KHDRBS3: variants seen among roughly 807,000 people sequenced by gnomAD.
The protein encoded by KHDRBS3 is KH RNA binding domain containing, signal transduction associated 3, also known as KH domain-containing, RNA-binding, signal transduction-associated protein 3.
In KHDRBS3, 23 loss-of-function variants were observed where a neutral mutation model predicts 45.6. The ratio of observed to expected loss-of-function variants is 0.50; its 90% CI spans 0.36 to 0.72. KHDRBS3 has a LOEUF of 0.72. Ranked by LOEUF, KHDRBS3 falls within the 30% of genes least tolerant of loss-of-function variation. KHDRBS3 has a pLI of 0.00. For missense variants in KHDRBS3, 352 were observed against 424.8 expected (o/e 0.83, Z 1.51); for synonymous variants, 162 against 156.5 (o/e 1.04, Z -0.26).
chr8:135,602,576 G>A (rs1005409671), intron 6 of KHDRBS3, among the ~76,000 whole-genome samples: 5 of 150,196 alleles, frequency 3.3e-5, no homozygotes, highest in East Asian at 1.9e-4. Flanking sequence ...TAATATTTTA[G>A]TTTTTTTTTT....
At chr8:135,492,212 G>C (rs16905378) in intron 1 of KHDRBS3, among the ~76,000 whole-genome samples, 8,857 of 151,936 alleles carry the variant, frequency 0.058, 340 homozygotes, top group African/African-American at 0.1. Context: ...AGTACTTTAG[G>C]TAGTAGATTA....
intron 7 of KHDRBS3, among the ~76,000 whole-genome samples, chr8:135,634,745 T>C (rs976317800): frequency 6.6e-6 from 1 of 152,192 alleles, no homozygotes; most frequent in African/African-American, 2.4e-5. Context: ...TTTGTAGTCA[T>C]GGTGTTATGT....
At chr8:135,469,412 C>T (rs1010683592) in intron 1 of KHDRBS3, among the ~76,000 whole-genome samples, 3 of 151,960 alleles carry the variant, frequency 2.0e-5, no homozygotes, top group East Asian at 3.9e-4. Context: ...CTCAGCCTCC[C>T]GAGTAGCTGG....
At chr8:135,633,963 G>A (rs1159586690) in intron 7 of KHDRBS3, among the ~76,000 whole-genome samples, 1 of 152,174 alleles carries the variant, frequency 6.6e-6, no homozygotes, top group Admixed American at 6.5e-5. Flanking sequence ...GTAATGTCAT[G>A]TGTCCACCAT....
chr8:135,553,204 G>A (rs921121902), intron 4 of KHDRBS3, among the ~76,000 whole-genome samples: 1 of 152,066 alleles, frequency 6.6e-6, no homozygotes, highest in Non-Finnish European at 1.5e-5. Flanking sequence ...AGGCAAGCAG[G>A]CCAGACTCTC....
Position 135,647,243 on chromosome 8 carries a change from C to CATAA in KHDRBS3, c.*160_*161insTAAA. The CATAA allele has an allele frequency of 5.0e-5, 7 of 139,150 alleles. No homozygotes were observed. The highest frequency in any genetic ancestry group is 1.7e-4 in the Admixed American group (1 of 5,972). The allele number at this position is 139,150 out of a possible 1,614,324, so 8.6% of individuals were successfully genotyped here. A position where few individuals can be genotyped will look rare whatever the true frequency, so the allele number is the denominator to read the frequency against. On this transcript the variant is annotated 3_prime_UTR_variant, in exon 9 of 9. Transcript: ENST00000355849. The stretch of plus-strand genomic sequence containing the variant: ...TACTTTGTTGAAACATCAACCTGGG[C>CATAA]AGAAAAAAAAAAAAAAAGACATGTA...
At chr8:135,607,818 C>G (rs186773243) in intron 7 of KHDRBS3, among the ~76,000 whole-genome samples, 2 of 152,128 alleles carry the variant, frequency 1.3e-5, no homozygotes, top group Non-Finnish European at 2.9e-5. Flanking sequence ...CACTTTTGAA[C>G]TCGTCCAGTG....
intron 1 of KHDRBS3, among the ~76,000 whole-genome samples, chr8:135,493,277 ATTTCTTTTATATTTCTC>A (rs1226277499): frequency 6.6e-6 from 1 of 151,836 alleles, no homozygotes; most frequent in African/African-American, 2.4e-5. Flanking sequence ...CCAAATCTGA[ATTTCTTTTATATTTCTC>A]TTTCTTCTCT....
At chr8:135,633,824 T>A (rs1830703298) in intron 7 of KHDRBS3, among the ~76,000 whole-genome samples, 1 of 152,232 alleles carries the variant, frequency 6.6e-6, no homozygotes, top group Non-Finnish European at 1.5e-5. Context: ...ATTATCCACA[T>A]CTGCCACCAG....
intron 1 of KHDRBS3, among the ~76,000 whole-genome samples, chr8:135,494,340 G>A (rs1489104157): frequency 2.1e-4 from 30 of 140,778 alleles, no homozygotes; most frequent in African/African-American, 7.1e-4. Context: ...GTGCAGTGGC[G>A]TGATCTCGGC....
At chr8:135,621,077 T>A (rs1270500205) in intron 7 of KHDRBS3, among the ~76,000 whole-genome samples, 3 of 149,934 alleles carry the variant, frequency 2.0e-5, no homozygotes, top group African/African-American at 7.4e-5. Context: ...AATGTGAAAA[T>A]TGATGTAGTC....
intron 2 of KHDRBS3, among the ~76,000 whole-genome samples, chr8:135,522,527 A>G (rs970998877): frequency 2.0e-5 from 3 of 152,160 alleles, no homozygotes; most frequent in Non-Finnish European, 4.4e-5. Context: ...TTCCACAAAC[A>G]ATGTGTGCAG....
chr8:135,535,010 C>T (rs1586677724), intron 2 of KHDRBS3, among the ~76,000 whole-genome samples: 2 of 151,982 alleles, frequency 1.3e-5, no homozygotes, highest in Admixed American at 6.6e-5. Context: ...CCAACAGTGC[C>T]GAAGTTGCTG....
intron 3 of KHDRBS3, among the ~76,000 whole-genome samples, chr8:135,544,135 G>T (rs973124266): frequency 1.3e-5 from 2 of 152,100 alleles, no homozygotes; most frequent in Non-Finnish European, 1.5e-5. Flanking sequence ...CTTAGTTCAC[G>T]CTCTAATAAG....
chr8:135,491,667 C>T (rs1305595719), intron 1 of KHDRBS3, among the ~76,000 whole-genome samples: 1 of 152,106 alleles, frequency 6.6e-6, no homozygotes, highest in Non-Finnish European at 1.5e-5. Flanking sequence ...CATAGATTAG[C>T]GCAGTGGTTC....
At chr8:135,567,389 T>C (rs1827480006) in intron 5 of KHDRBS3, among the ~76,000 whole-genome samples, 1 of 152,178 alleles carries the variant, frequency 6.6e-6, no homozygotes, top group African/African-American at 2.4e-5. Flanking sequence ...TTAGTATATT[T>C]CCCCTATGTT....
chr8:135,542,998 A>T (rs1441843025), intron 3 of KHDRBS3, among the ~76,000 whole-genome samples: 1 of 152,202 alleles, frequency 6.6e-6, no homozygotes, highest in Non-Finnish European at 1.5e-5. Context: ...TTTTGATTGC[A>T]GTTGTAATAT....
intron 1 of KHDRBS3, among the ~76,000 whole-genome samples, chr8:135,512,645 ACATT>A (rs1193810134): frequency 1.3e-5 from 2 of 152,190 alleles, no homozygotes; most frequent in African/African-American, 4.8e-5. Flanking sequence ...ATTATTTTAA[ACATT>A]CATTCATTCA....
intron 1 of KHDRBS3, among the ~76,000 whole-genome samples, chr8:135,463,444 C>A (rs1362687632): frequency 6.6e-6 from 1 of 152,086 alleles, no homozygotes; most frequent in Non-Finnish European, 1.5e-5. Flanking sequence ...AGAAAAGCAT[C>A]CCAGTGCTCT....
Sources: gnomAD v4.1 joint callset for allele counts (sites outside exome capture counted in the v4.1 genomes callset) on GRCh38, gnomAD v4.1.1 for gene constraint, MANE v1.5 for transcripts, NCBI Gene and HGNC (gene_info 2026-07-23, HGNC 2026-07-21) for gene names.